The following AQP5 variants were observed in gnomAD, a reference collection of about 807,000 sequenced individuals.
AQP5 encodes aquaporin 5.
A neutral mutation model predicts 19.1 loss-of-function variants in AQP5; 15 were observed. That is an observed-to-expected ratio of 0.79 (90% CI 0.53 to 1.21). The LOEUF (loss-of-function observed/expected upper bound fraction) is 1.21. Among genes scored for constraint, AQP5 ranks in the 50% most tolerant of loss-of-function variants. The pLI, the probability that AQP5 is intolerant of heterozygous loss-of-function variation, is 0.00. For synonymous variants in AQP5, 182 were observed against 160.3 expected (o/e 1.14, Z -1.02); for missense variants, 355 against 357.1 (o/e 0.99, Z 0.05).
intron 1 of AQP5, 113 bp downstream of exon 1, chr12:49,962,493 T>TCCC: frequency 4.9e-6 from 5 of 1,016,398 alleles, no homozygotes; most frequent in Admixed American, 3.7e-5. Flanking sequence ...CCCACACCCT[T>TCCC]CACCAGGAAG....
intron 1 of AQP5, 151 bp downstream of exon 1, chr12:49,962,531 A>ACG (rs1947440596): frequency 8.1e-7 from 1 of 1,233,278 alleles, no homozygotes; most frequent in Admixed American, 3.0e-5. Context: ...CCAGGAAGGC[A>ACG]ACTCTCCAGG....
At chr12:49,964,616 C>T in intron 3 of AQP5, 1 of 984,242 alleles carries the variant, frequency 1.0e-6, no homozygotes, top group Non-Finnish European at 1.2e-6. Flanking sequence ...CTCATGGTCA[C>T]TCTCTCCAGG....
intron 2 of AQP5, 168 bp downstream of exon 2, chr12:49,963,824 C>G (rs1353375544): frequency 1.9e-6 from 2 of 1,057,996 alleles, no homozygotes; most frequent in African/African-American, 1.6e-5. Flanking sequence ...TTGATCCCCC[C>G]AAAACCTCTG....
In AQP5 at chr12:49,965,096, C is replaced by G; in HGVS notation, c.717C>G (p.Ile239Met). 3 of 1,614,070 alleles carry G rather than the reference C, an allele frequency of 1.9e-6. No individual in the cohort carries two copies. Among genetic ancestry groups the G allele is most frequent in the Non-Finnish European group, 2.5e-6 (3 of 1,179,992 alleles). ...SLSLSERVAI[I>M]KGTYEPDEDW... ...GCCTGAGTGAGCGTGTGGCCATCAT[C>G]AAAGGCACGTATGAGCCTGACGAGG... Residue 239 changes from isoleucine (I) to methionine (M), a missense_variant, in exon 4 of 4, where the codon ATC becomes ATG. Coordinates refer to ENST00000293599, the MANE Select transcript of AQP5 (RefSeq NM_001651.4).
chr12:49,962,355 C>A lies in AQP5; in HGVS notation c.338C>A (p.Ala113Asp). Residue 113 changes from alanine (A) to aspartate (D), a missense_variant, in exon 1 of 4, where the codon GCC (alanine) becomes GAC (aspartate). Transcript: ENST00000293599. The stretch of plus-strand genomic sequence containing the variant: ...CTCTACGGTGTGGCACCGCTCAATG[C>A]CCGGGGCAATCTGGCCGTCAACGCG... ...GILYGVAPLN[A>D]RGNLAVNALN... The A allele has an allele frequency of 1.9e-6, 3 of 1,597,408 alleles. No individual in the cohort carries two copies. Among genetic ancestry groups the A allele is most frequent in the Non-Finnish European group, 8.5e-7 (1 of 1,176,816 alleles).
At chr12:49,963,464 G>A (rs188741631) in intron 1 of AQP5, 28 bp from the exon 2 acceptor site, 12 of 1,608,626 alleles carry the variant, frequency 7.5e-6, no homozygotes, top group South Asian at 4.4e-5. Context: ...GAAGGTGGCC[G>A]GGGTCCTAAC....
chr12:49,962,073 TGGCCACCCTCATCTTC>T lies in AQP5; in HGVS notation c.58_73del (p.Ala20SerfsTer29). On this transcript the variant is annotated frameshift_variant, in exon 1 of 4. Coordinates refer to ENST00000293599, the MANE Select transcript of AQP5 (RefSeq NM_001651.4). LOFTEE classifies it high-confidence loss of function. The stretch of plus-strand genomic sequence containing the variant: ...CTCAAGGCCGTGTTCGCAGAGTTCT[TGGCCACCCTCATCTTC>T]GTCTTCTTTGGCCTGGGCTCGGCCC... 1 of 1,612,478 alleles carries T rather than the reference TGGCCACCCTCATCTTC, an allele frequency of 6.2e-7. No individual in the cohort carries two copies. Among genetic ancestry groups the T allele is most frequent in the Non-Finnish European group, 8.5e-7 (1 of 1,178,928 alleles).
At chr12:49,962,423 G>A in intron 1 of AQP5, 43 bp downstream of exon 1, 1 of 1,398,562 alleles carries the variant, frequency 7.2e-7, no homozygotes, top group Non-Finnish European at 9.5e-7. Context: ...ACCCTGGGGT[G>A]GGCTCAGGAC....
Position 49,965,292 on chromosome 12 carries a change from A to G in AQP5, c.*115A>G. The G allele has an allele frequency of 7.9e-7, 1 of 1,265,018 alleles. No individual in the cohort carries two copies. The highest frequency in any genetic ancestry group is 1.1e-6 in the Non-Finnish European group (1 of 945,290). 78.4% of individuals were successfully genotyped at this position (1,265,018 alleles called of 1,614,324 possible). On this transcript the variant is annotated 3_prime_UTR_variant, in exon 4 of 4. Coordinates refer to ENST00000293599, the MANE Select transcript of AQP5 (RefSeq NM_001651.4). ...CCGGTCCTCTTGGCTGAGGAGGAGGAGCTGGTCACCCTGGCTGCACAGTTA... is the reference window on the plus strand; with the variant it reads ...CCGGTCCTCTTGGCTGAGGAGGAGGGGCTGGTCACCCTGGCTGCACAGTTA...
In AQP5 at chr12:49,962,128, G is replaced by C. The variant is rs973567433; in HGVS notation, c.111G>C (p.Ser37=). 6.2e-7 allele frequency: 1 copy of C among 1,613,288 alleles called. No homozygotes were observed. The highest frequency in any genetic ancestry group is 8.5e-7 in the Non-Finnish European group (1 of 1,179,802). ...FGLGSALKWP[S]ALPTILQIAL... ...TGGGCTCGGCCCTCAAGTGGCCGTC[G>C]GCGCTGCCTACCATCCTGCAGATCG... is the stretch of plus-strand genomic sequence containing the variant. The change falls in exon 1 of 4, where the codon TCG becomes TCC. Residue 37 remains serine, a synonymous_variant. Transcript: ENST00000293599.
At position 49,965,063 on chromosome 12, in the gene AQP5, C is replaced by T. The variant is rs41495048; in HGVS notation, c.684C>T (p.Asn228=). 37 of 1,613,972 alleles carry T rather than the reference C, an allele frequency of 2.3e-5. No homozygotes were observed. Among genetic ancestry groups the T allele is most frequent in the Non-Finnish European group, 3.0e-5 (35 of 1,180,014 alleles). ...TTTACTTCTACCTGCTCTTCCCCAA[C>T]TCCCTGAGCCTGAGTGAGCGTGTGG... ...AILYFYLLFP[N]SLSLSERVAI... is the part of the protein sequence containing the mutation. Residue 228 remains asparagine (N), a synonymous_variant, in exon 4 of 4, where the codon AAC becomes AAT. Coordinates refer to ENST00000293599, the MANE Select transcript of AQP5 (RefSeq NM_001651.4).
chr12:49,961,970 ACGGGCGCCCCCCGCCG>A lies in AQP5; in HGVS notation c.-44_-29del. On this transcript the variant is annotated 5_prime_UTR_variant, in exon 1 of 4. Coordinates refer to ENST00000293599, the MANE Select transcript of AQP5 (RefSeq NM_001651.4). ...CACCTCCTCCGCCGCCTGCGACCCA[ACGGGCGCCCCCCGCCG>A]CGGCAGCTGCCGCCGGGCCCCCGCG... 7.8e-7 allele frequency: 1 copy of A among 1,279,964 alleles called. No individual in the cohort carries two copies. The highest frequency in any genetic ancestry group is 1.0e-6 in the Non-Finnish European group (1 of 1,002,696). 79.3% of individuals were successfully genotyped at this position (1,279,964 alleles called of 1,614,324 possible). A position where few individuals can be genotyped will look rare whatever the true frequency, so the allele number is the denominator to read the frequency against.
At chr12:49,962,471 A>T in intron 1 of AQP5, 91 bp downstream of exon 1, 1 of 1,039,574 alleles carries the variant, frequency 9.6e-7, no homozygotes, top group South Asian at 1.6e-5. Context: ...GGGGTGCCGC[A>T]GAGTGGGCCA....
chr12:49,963,668 C>A lies in AQP5; in HGVS notation c.528+12C>A, dbSNP rs138231310. On this transcript the variant is annotated intron_variant, in intron 2 of 3. Coordinates refer to ENST00000293599, the MANE Select transcript of AQP5 (RefSeq NM_001651.4). ...GCCACCTTGTCGGAGTGAGCAGTAC[C>A]GACATTGGGCTGGGGTGAGGGTGGG... is the stretch of plus-strand genomic sequence containing the variant. 10 of 1,609,874 alleles carry A rather than the reference C, an allele frequency of 6.2e-6. No individual in the cohort carries two copies. The African/African-American group carries it at 1.3e-4, about 22-fold the overall frequency.
chr12:49,964,507 C>A, intron 3 of AQP5: 1 of 411,652 alleles, frequency 2.4e-6, no homozygotes, highest in Non-Finnish European at 3.3e-6. Flanking sequence ...CGTGCTGGTC[C>A]TCTCTGATGT....
At position 49,962,278 on chromosome 12, in the gene AQP5, T is replaced by G. The variant is rs1340947486; in HGVS notation, c.261T>G (p.Ala87=). The stretch of plus-strand genomic sequence containing the variant: ...GCAACCAGATCTCGCTGCTCCGGGC[T>G]TTCTTCTACGTGGCGGCCCAGCTGG... ...LVGNQISLLR[A]FFYVAAQLVG... Residue 87 remains alanine (A), a synonymous_variant, in exon 1 of 4, where the codon GCT becomes GCG. Transcript: ENST00000293599. 1.2e-6 allele frequency: 2 copies of G among 1,607,576 alleles called. No homozygotes were observed. Among genetic ancestry groups the G allele is most frequent in the South Asian group, 2.2e-5 (2 of 91,030 alleles).
Position 49,963,997 on chromosome 12 carries a change from AG to A in AQP5, c.529-94del, listed in dbSNP as rs1403947770. Reference sequence around the variant, plus strand: ...CCAGCCTGAGTTTGAGACCTGGCTGAGCCCCTGGACTGCAGTGTAACCTTGA... The same window carrying A: ...CCAGCCTGAGTTTGAGACCTGGCTGACCCCTGGACTGCAGTGTAACCTTGA... On this transcript the variant is annotated intron_variant, in intron 2 of 3. Coordinates refer to ENST00000293599, the MANE Select transcript of AQP5 (RefSeq NM_001651.4). The A allele has an allele frequency of 2.4e-6, 3 of 1,275,106 alleles. No individual in the cohort carries two copies. In the East Asian group the frequency reaches 7.0e-5, roughly 30 times the overall value. The allele number at this position is 1,275,106 out of a possible 1,614,324, so 79.0% of individuals were successfully genotyped here. A position where few individuals can be genotyped will look rare whatever the true frequency, so the allele number is the denominator to read the frequency against.
Position 49,965,194 on chromosome 12 carries a change from GC to G in AQP5, c.*19del, listed in dbSNP as rs1415522717. 1 of 1,589,726 alleles carries G rather than the reference GC, an allele frequency of 6.3e-7. No individual in the cohort carries two copies. The highest frequency in any genetic ancestry group is 8.6e-7 in the Non-Finnish European group (1 of 1,168,630). On this transcript the variant is annotated 3_prime_UTR_variant, in exon 4 of 4. Coordinates refer to ENST00000293599, the MANE Select transcript of AQP5 (RefSeq NM_001651.4). ...ACCCGCTGACCAGTGTCAGGCAGGG[GC>G]CAGCCCCTCAGCCCCTGAGCCAAGG...
rs1409574662 is a variant in AQP5 at position 49,963,681 on chromosome 12, G to A, written c.528+25G>A. On this transcript the variant is annotated intron_variant, in intron 2 of 3. Coordinates refer to ENST00000293599, the MANE Select transcript of AQP5 (RefSeq NM_001651.4). ...AGTGAGCAGTACCGACATTGGGCTGGGGTGAGGGTGGGGCAGGCACTCAAG... is the reference window on the plus strand; with the variant it reads ...AGTGAGCAGTACCGACATTGGGCTGAGGTGAGGGTGGGGCAGGCACTCAAG... The A allele has an allele frequency of 6.2e-7, 1 of 1,604,364 alleles. No homozygotes were observed. The highest frequency in any genetic ancestry group is 2.2e-5 in the East Asian group (1 of 44,646).
Sources: allele counts gnomAD v4.1 joint callset, GRCh38; gene constraint gnomAD v4.1.1; transcripts MANE v1.5; gene names NCBI Gene and HGNC (gene_info 2026-07-23, HGNC 2026-07-21).